Variants in CRYBG3 observed in about 807,000 individuals in gnomAD.
CRYBG3 encodes crystallin beta-gamma domain containing 3, also known as very large A-kinase anchor protein.
A neutral mutation model predicts 244.2 loss-of-function variants in CRYBG3; 127 were observed. The ratio of observed to expected loss-of-function variants is 0.52; its 90% confidence interval spans 0.45 to 0.60. The LOEUF is 0.60. Ranked by LOEUF, CRYBG3 falls within the 20% of genes least tolerant of loss-of-function variation. CRYBG3 has a pLI of 0.00. For missense variants in CRYBG3, 3,325 were observed against 3,442.5 expected, an observed-to-expected ratio of 0.97 and a Z score of 0.85; for synonymous variants, 1,132 against 1,195.8, an observed-to-expected ratio of 0.95 and a Z score of 1.10.
At chr3:97,917,409 A>G (rs983199230) in intron 17 of CRYBG3, among the ~76,000 whole-genome samples, 2 of 152,186 alleles carry the variant, frequency 1.3e-5, no homozygotes, top group Non-Finnish European at 2.9e-5. Flanking sequence ...GAATATATTC[A>G]GTTTATGTAA....
rs148268479 is a variant in CRYBG3 at position 97,902,610 on chromosome 3, C to T, written c.8004+2125C>T. 5.5e-4 allele frequency among the ~76,000 whole-genome samples: 84 copies of T among 152,188 alleles called. 2 individuals carry two copies. The highest frequency in any genetic ancestry group is 4.1e-3 in the Admixed American group (62 of 15,258). On this transcript the variant is annotated intron_variant, in intron 15 of 21. Transcript: ENST00000389622. The stretch of plus-strand genomic sequence containing the variant: ...GTCCTCTAAGTTCCTTCCCCTCGCC[C>T]CTCACTCCCCAGCAAATCCTGGTGT...
Position 97,872,584 on chromosome 3 carries a change from C to G in CRYBG3, c.1390C>G (p.His464Asp). ...GCCAAGTCCAAATAAATCAATTAGG[C>G]ATGAACATCTGCAGTTGCCAGAGAG... ...NLPSPNKSIR[H>D]EHLQLPESEC... Residue 464 changes from histidine (H) to aspartate (D), a missense_variant, in exon 4 of 22, where the codon CAT (histidine) becomes GAT (aspartate). His to Asp is a moderately conservative substitution (Grantham distance 81). Transcript: ENST00000389622. 2 of 1,535,928 alleles carry G rather than the reference C, an allele frequency of 1.3e-6. No individual in the cohort carries two copies. Among genetic ancestry groups the G allele is most frequent in the Non-Finnish European group, 1.7e-6 (2 of 1,146,824 alleles).
intron 1 of CRYBG3, among the ~76,000 whole-genome samples, chr3:97,842,305 G>A (rs1477772752): frequency 6.6e-6 from 1 of 152,146 alleles, no homozygotes; most frequent in Non-Finnish European, 1.5e-5. Flanking sequence ...ACTCCTGCCT[G>A]TAATCCCAGC....
At chr3:97,912,103 A>T (rs1464197882) in intron 15 of CRYBG3, 64 bp from the exon 16 acceptor site, 3 of 743,018 alleles carry the variant, frequency 4.0e-6, no homozygotes, top group Non-Finnish European at 6.6e-6. Context: ...AAAGGTTTTT[A>T]TTTGCTCGTG....
At chr3:97,888,242 T>C (rs928458735) in intron 8 of CRYBG3, 99 bp from the exon 9 acceptor site, 6 of 662,916 alleles carry the variant, frequency 9.1e-6, no homozygotes, top group East Asian at 8.2e-5. Context: ...AATTCTGTGA[T>C]GGAGGATTTT....
At chr3:97,923,952 T>G (rs2040012645) in intron 17 of CRYBG3, among the ~76,000 whole-genome samples, 1 of 152,102 alleles carries the variant, frequency 6.6e-6, no homozygotes, top group African/African-American at 2.4e-5. Flanking sequence ...ATGGCAAGCT[T>G]ATCCTATGAT....
chr3:97,891,595 A>G (rs1224795586), intron 10 of CRYBG3, among the ~76,000 whole-genome samples: 1 of 152,182 alleles, frequency 6.6e-6, no homozygotes, highest in Non-Finnish European at 1.5e-5. Context: ...AGTTCACCCT[A>G]AAGAACTGAG....
At chr3:97,841,492 TTTG>T (rs143986359) in intron 1 of CRYBG3, among the ~76,000 whole-genome samples, 5,069 of 152,074 alleles carry the variant, frequency 0.033, 275 homozygotes, top group African/African-American at 0.12. Flanking sequence ...TGATTTATTT[TTTG>T]TTTCCATTTT....
intron 10 of CRYBG3, among the ~76,000 whole-genome samples, chr3:97,890,316 T>C (rs1450418974): frequency 1.3e-5 from 2 of 152,178 alleles, no homozygotes; most frequent in Non-Finnish European, 2.9e-5. Flanking sequence ...GTGATTCTAT[T>C]TGCAGTCAAG....
intron 15 of CRYBG3, among the ~76,000 whole-genome samples, chr3:97,908,702 A>G (rs1003414716): frequency 3.9e-5 from 6 of 152,110 alleles, no homozygotes; most frequent in South Asian, 2.1e-4. Flanking sequence ...TCTTTATCCA[A>G]TTTGCCAGTC....
chr3:97,933,905 G>A (rs2107100085), intron 18 of CRYBG3, 72 bp downstream of exon 18: 2 of 1,364,366 alleles, frequency 1.5e-6, no homozygotes, highest in South Asian at 2.5e-5. Context: ...TGCAAACCAA[G>A]TCCACTGTGT....
chr3:97,916,483 C>T (rs1390560665), intron 17 of CRYBG3, among the ~76,000 whole-genome samples: 2 of 152,066 alleles, frequency 1.3e-5, no homozygotes, highest in African/African-American at 2.4e-5. Flanking sequence ...ATTCTGGGCC[C>T]CTAGTCAATA....
intron 15 of CRYBG3, among the ~76,000 whole-genome samples, chr3:97,909,180 A>AT (rs1462284301): frequency 6.7e-6 from 1 of 149,512 alleles, no homozygotes; most frequent in Non-Finnish European, 1.5e-5. Flanking sequence ...TGCCCTTAAC[A>AT]TTTTTTCCTT....
At chr3:97,902,116 G>A (rs17374344) in intron 15 of CRYBG3, among the ~76,000 whole-genome samples, 67,400 of 151,904 alleles carry the variant, frequency 0.44, 16,167 homozygotes, top group East Asian at 0.67. Context: ...ATTTTCAACA[G>A]GCAGTAGTTA....
Position 97,881,065 on chromosome 3 carries a change from T to A in CRYBG3, c.7005-7T>A. The A allele has an allele frequency of 6.3e-7, 1 of 1,576,056 alleles. No individual in the cohort carries two copies. Among genetic ancestry groups the A allele is most frequent in the Non-Finnish European group, 8.6e-7 (1 of 1,166,502 alleles). ...TATAACTCATCATTGCATTTCTCTT[T>A]GTTTAGCTGGATTTTATATGAGAAA... On this transcript the variant is annotated splice_region_variant and splice_polypyrimidine_tract_variant and intron_variant, in intron 6 of 21. Coordinates refer to ENST00000389622, the MANE Select transcript of CRYBG3 (RefSeq NM_153605.4).
At chr3:97,882,202 T>C (rs1417134570) in intron 7 of CRYBG3, among the ~76,000 whole-genome samples, 1 of 86,788 alleles carries the variant, frequency 1.2e-5, no homozygotes, top group African/African-American at 3.4e-5. Context: ...AGCAAGACTC[T>C]GTCTAATAAT....
chr3:97,843,397 CT>C (rs1465372192), intron 2 of CRYBG3, 136 bp downstream of exon 2: 3 of 598,266 alleles, frequency 5.0e-6, no homozygotes, highest in Non-Finnish European at 5.7e-6. Flanking sequence ...TCCAGCCCAA[CT>C]TTGTCAGACA....
intron 2 of CRYBG3, among the ~76,000 whole-genome samples, chr3:97,857,249 G>A (rs2039078744): frequency 6.6e-6 from 1 of 151,950 alleles, no homozygotes; most frequent in African/African-American, 2.4e-5. Flanking sequence ...GTATGATTTT[G>A]ATTTCTTAAA....
At chr3:97,915,849 T>A (rs944681476) in intron 17 of CRYBG3, 113 bp downstream of exon 17, 6 of 830,914 alleles carry the variant, frequency 7.2e-6, no homozygotes, top group South Asian at 5.3e-5. Flanking sequence ...TATAAAAATC[T>A]GAAAAATATG....
Sources: gnomAD v4.1 joint callset for allele counts (sites outside exome capture counted in the v4.1 genomes callset) on GRCh38, gnomAD v4.1.1 for gene constraint, MANE v1.5 for transcripts, NCBI Gene and HGNC (gene_info 2026-07-23, HGNC 2026-07-21) for gene names.